The following SLC24A2 variants were observed in gnomAD, a reference collection of about 807,000 sequenced individuals.
SLC24A2 encodes the protein sodium/potassium/calcium exchanger 2.
In SLC24A2, 36 loss-of-function variants were observed where a neutral mutation model predicts 62.0. The ratio of observed to expected loss-of-function variants is 0.58; its 90% CI spans 0.44 to 0.77. The LOEUF is 0.77. SLC24A2 is among the 30% of genes least tolerant of loss of function. SLC24A2 has a pLI of 0.00. For synonymous variants in SLC24A2, 358 were observed against 294.0 expected (o/e 1.22, Z -2.23); for missense variants, 846 against 817.9 (o/e 1.03, Z -0.42).
chr9:19,596,260 A>T (rs1836700692), intron 5 of SLC24A2, among the ~76,000 whole-genome samples: 1 of 152,188 alleles, frequency 6.6e-6, no homozygotes, highest in Non-Finnish European at 1.5e-5. Flanking sequence ...GATATGCAAC[A>T]CATTTGGGAG....
chr9:19,589,263 G>A (rs139737418), intron 5 of SLC24A2, among the ~76,000 whole-genome samples: 1 of 152,296 alleles, frequency 6.6e-6, no homozygotes, highest in African/African-American at 2.4e-5. Flanking sequence ...CCATGGAACA[G>A]CCATGCAGTG....
At chr9:20,000,912 AT>A in the SLC24A2 span, among the ~76,000 whole-genome samples, 1 of 152,184 alleles carries the variant, frequency 6.6e-6, no homozygotes, top group Admixed American at 6.5e-5. Context: ...GGCAGGAAGC[AT>A]AACTTGGAAT....
At chr9:19,859,880 C>G in the SLC24A2 span, among the ~76,000 whole-genome samples, 4 of 152,172 alleles carry the variant, frequency 2.6e-5, no homozygotes, top group Admixed American at 2.6e-4. Flanking sequence ...CTGATGCCCA[C>G]ATAAGGAGGG....
intron 2 of SLC24A2, among the ~76,000 whole-genome samples, chr9:19,783,891 T>G (rs1281245004): frequency 3.9e-5 from 6 of 152,186 alleles, no homozygotes; most frequent in Admixed American, 2.6e-4. Context: ...TGGAATAAAT[T>G]AAAGCTATTT....
intron 2 of SLC24A2, among the ~76,000 whole-genome samples, chr9:19,706,601 A>G: frequency 6.6e-6 from 1 of 151,714 alleles, no homozygotes; most frequent in South Asian, 2.1e-4. Context: ...GATGGTCTCG[A>G]TCTCCTGACC....
chr9:20,176,976 T>C, the SLC24A2 span, among the ~76,000 whole-genome samples: 1 of 152,056 alleles, frequency 6.6e-6, no homozygotes, highest in African/African-American at 2.4e-5. Context: ...GTTTTAATAG[T>C]AGCAATATTT....
At chr9:20,027,921 A>T in the SLC24A2 span, among the ~76,000 whole-genome samples, 2 of 152,106 alleles carry the variant, frequency 1.3e-5, no homozygotes, top group Admixed American at 6.5e-5. Context: ...ATTTTTTTTT[A>T]AATGGGCTTT....
At chr9:19,543,977 G>C (rs903190306) in intron 8 of SLC24A2, among the ~76,000 whole-genome samples, 1 of 152,106 alleles carries the variant, frequency 6.6e-6, no homozygotes. Context: ...TCAAGTCCTG[G>C]ATATCCTTGC....
chr9:19,622,521 T>G (rs568273995), intron 2 of SLC24A2, among the ~76,000 whole-genome samples: 1 of 152,252 alleles, frequency 6.6e-6, no homozygotes, highest in African/African-American at 2.4e-5. Context: ...AAGGTCAAAG[T>G]TGAATGGCCA....
chr9:20,117,194 G>T, the SLC24A2 span, among the ~76,000 whole-genome samples: 1 of 152,216 alleles, frequency 6.6e-6, no homozygotes, highest in East Asian at 1.9e-4. Context: ...CTGGCCAGTG[G>T]GGTATTAGCA....
At chr9:19,527,952 G>A in intron 9 of SLC24A2, 97 bp downstream of exon 9, 1 of 777,504 alleles carries the variant, frequency 1.3e-6, no homozygotes, top group East Asian at 2.7e-5. Flanking sequence ...ACCCAATACT[G>A]TTGTGGCAGT....
chr9:19,997,644 G>C, the SLC24A2 span, among the ~76,000 whole-genome samples: 1 of 152,168 alleles, frequency 6.6e-6, no homozygotes, highest in East Asian at 1.9e-4. Context: ...TGAGTGGTTA[G>C]AAATGATTCC....
the SLC24A2 span, among the ~76,000 whole-genome samples, chr9:20,271,381 TG>T: frequency 6.6e-5 from 10 of 152,244 alleles, no homozygotes; most frequent in African/African-American, 2.2e-4. Flanking sequence ...AGAGTGAGAC[TG>T]TGTGTCTTTA....
chr9:20,034,349 G>T, the SLC24A2 span, among the ~76,000 whole-genome samples: 1 of 151,418 alleles, frequency 6.6e-6, no homozygotes, highest in South Asian at 2.1e-4. Flanking sequence ...CCTCTCTGTG[G>T]TACTGCATTA....
chr9:20,056,355 G>C, the SLC24A2 span, among the ~76,000 whole-genome samples: 2 of 152,166 alleles, frequency 1.3e-5, no homozygotes, highest in African/African-American at 2.4e-5. Context: ...CTATTGAGGA[G>C]AGGAAATCAA....
At chr9:20,099,646 G>C in the SLC24A2 span, among the ~76,000 whole-genome samples, 1 of 152,040 alleles carries the variant, frequency 6.6e-6, no homozygotes, top group Admixed American at 6.5e-5. Context: ...GCTCCTTCCA[G>C]GGGATGACCA....
chr9:19,573,951 C>A (rs1042690178), intron 6 of SLC24A2, among the ~76,000 whole-genome samples: 1 of 152,202 alleles, frequency 6.6e-6, no homozygotes, highest in African/African-American at 2.4e-5. Flanking sequence ...AATATCGTTT[C>A]TTTGATACTG....
the SLC24A2 span, among the ~76,000 whole-genome samples, chr9:19,898,650 G>T: frequency 6.6e-6 from 1 of 150,408 alleles, no homozygotes; most frequent in African/African-American, 2.5e-5. Flanking sequence ...GCTAAGGCAG[G>T]AGAATGGCGT....
the SLC24A2 span, among the ~76,000 whole-genome samples, chr9:19,845,581 C>G: frequency 6.6e-6 from 1 of 152,064 alleles, no homozygotes; most frequent in Non-Finnish European, 1.5e-5. Context: ...ATTTGGGGGA[C>G]TTGATTTCAT....
Sources: gnomAD v4.1 joint callset for allele counts (sites outside exome capture counted in the v4.1 genomes callset) on GRCh38, gnomAD v4.1.1 for gene constraint, MANE v1.5 for transcripts, NCBI Gene and HGNC (gene_info 2026-07-23, HGNC 2026-07-21) for gene names.